FLVCR2: variants seen among roughly 807,000 people sequenced by gnomAD.
FLVCR2 encodes the protein FLVCR choline and putative heme transporter 2, also known as choline/ethanolamine transporter FLVCR2.
A neutral mutation model predicts 48.9 loss-of-function variants in FLVCR2; 38 were observed. The ratio of observed to expected loss-of-function variants is 0.78; its 90% CI spans 0.60 to 1.02. The LOEUF (loss-of-function observed/expected upper bound fraction) is 1.02, where lower values mean the gene tolerates loss of function less well. Ranked by LOEUF, FLVCR2 falls within the 50% of genes least tolerant of loss-of-function variation. The pLI, the probability that FLVCR2 is intolerant of heterozygous loss-of-function variation, is 0.00. For missense variants in FLVCR2, 664 were observed against 663.3 expected, an observed-to-expected ratio of 1.00 and a Z score of -0.01; for synonymous variants, 255 against 257.0, an observed-to-expected ratio of 0.99 and a Z score of 0.07.
chr14:75,648,040 T>C lies in FLVCR2; in HGVS notation c.*1568T>C, dbSNP rs915961284. The C allele has an allele frequency of 4.6e-5, 7 of 152,756 alleles. No individual in the cohort carries two copies. Among genetic ancestry groups the C allele is most frequent in the Admixed American group, 4.6e-4 (7 of 15,286 alleles). 9.5% of individuals were successfully genotyped at this position (152,756 alleles called of 1,614,324 possible). ...TACTTTTTGATAAAGAGAAAGATGT[T>C]TACTCATAAACCCTTCAAAAGGTAT... On this transcript the variant is annotated 3_prime_UTR_variant, in exon 10 of 10. Transcript: ENST00000238667.
At chr14:75,609,867 C>T (rs1182105905) in intron 1 of FLVCR2, among the ~76,000 whole-genome samples, 1 of 150,662 alleles carries the variant, frequency 6.6e-6, no homozygotes, top group Non-Finnish European at 1.5e-5. Flanking sequence ...TTTTATCTGT[C>T]AAAGGTCAGG....
intron 4 of FLVCR2, among the ~76,000 whole-genome samples, chr14:75,634,058 C>T (rs779605280): frequency 6.6e-5 from 10 of 151,810 alleles, no homozygotes; most frequent in Admixed American, 6.6e-4. Context: ...ATTTATTATA[C>T]AGCATAGTGC....
At position 75,646,432 on chromosome 14, in the gene FLVCR2, C is replaced by G. The variant is rs747682049; in HGVS notation, c.1541C>G (p.Thr514Ser). The change falls in exon 10 of 10, where the codon ACC (threonine) becomes AGC (serine). Residue 514 changes from threonine (T) to serine (S), a missense_variant. Coordinates refer to ENST00000238667, the MANE Select transcript of FLVCR2 (RefSeq NM_017791.3). ...CAAGAGGAGGAGGAGGAGAGCAACA[C>G]CAGCAAAGTGCCCACTGCTGTGTCA... ...KLQEEEEESN[T>S]SKVPTAVSED... 2 of 1,613,954 alleles carry G rather than the reference C, an allele frequency of 1.2e-6. No homozygotes were observed. The highest frequency in any genetic ancestry group is 3.3e-4 in the Middle Eastern group (2 of 6,052).
At chr14:75,593,188 C>T (rs61249120) in intron 1 of FLVCR2, among the ~76,000 whole-genome samples, 35,564 of 152,078 alleles carry the variant, frequency 0.23, 4,506 homozygotes, top group East Asian at 0.56. Context: ...AACTTCTGCC[C>T]GTTACCCAGT....
intron 1 of FLVCR2, among the ~76,000 whole-genome samples, chr14:75,586,163 G>A (rs1181677693): frequency 3.9e-5 from 6 of 152,300 alleles, no homozygotes; most frequent in Middle Eastern, 3.4e-3. Flanking sequence ...GGCTGAATCC[G>A]AAAAAGGAGT....
chr14:75,615,137 C>T (rs1488822425), intron 1 of FLVCR2, among the ~76,000 whole-genome samples: 1 of 152,064 alleles, frequency 6.6e-6, no homozygotes, highest in Admixed American at 6.6e-5. Flanking sequence ...GTCAATGCAA[C>T]GCCAAGGACC....
intron 9 of FLVCR2, among the ~76,000 whole-genome samples, chr14:75,646,125 C>T (rs1371255695): frequency 2.0e-5 from 3 of 152,004 alleles, no homozygotes; most frequent in African/African-American, 2.4e-5. Flanking sequence ...GAGTGGCACT[C>T]GGAGCTGGAT....
At chr14:75,584,716 T>C (rs57528286) in intron 1 of FLVCR2, among the ~76,000 whole-genome samples, 41,940 of 152,050 alleles carry the variant, frequency 0.28, 5,902 homozygotes, top group East Asian at 0.37. Flanking sequence ...CAGCGTGAGA[T>C]TGGGCTAGAG....
In FLVCR2 at chr14:75,639,423, G is replaced by A. The variant is rs1890251946; in HGVS notation, c.1196G>A (p.Gly399Glu). 4 of 1,613,852 alleles carry A rather than the reference G, an allele frequency of 2.5e-6. No individual in the cohort carries two copies. In the Admixed American group the frequency reaches 5.0e-5, roughly 20 times the overall value. ...GTGTACACGTTTACCTTGAACCTGG[G>A]ACACCTGTGGGTAGTGTTCATCACT... ...MVVYTFTLNL[G>E]HLWVVFITAG... Residue 399 changes from glycine to glutamate, a missense_variant, in exon 6 of 10, where the codon GGA (glycine) becomes GAA (glutamate). Transcript: ENST00000238667.
rs750299200 is a variant in FLVCR2 at position 75,639,372 on chromosome 14, ATATCATG to A, written c.1146_1152del (p.Tyr382Ter). The stretch of plus-strand genomic sequence containing the variant: ...TGTAGAGAGACAACCCTGGTAGTCT[ATATCATG>A]ACACTGGTGGGCATGGTGGTGTACA... On this transcript the variant is annotated frameshift_variant, in exon 6 of 10. Transcript: ENST00000238667. LOFTEE classifies it high-confidence loss of function. The A allele has an allele frequency of 6.2e-7, 1 of 1,613,576 alleles. No homozygotes were observed.
At chr14:75,597,428 A>G (rs951183083) in intron 1 of FLVCR2, among the ~76,000 whole-genome samples, 8 of 152,160 alleles carry the variant, frequency 5.3e-5, no homozygotes, top group African/African-American at 1.9e-4. Context: ...GAGGCTAGTA[A>G]CTCAACTTGG....
At position 75,579,079 on chromosome 14, in the gene FLVCR2, A is replaced by G. The variant is rs762762330; in HGVS notation, c.107A>G (p.His36Arg). The change falls in exon 1 of 10, where the codon CAT becomes CGT. Residue 36 changes from histidine (H) to arginine (R), a missense_variant. Transcript: ENST00000238667. ...TCGGTCCATCCCAGCGTCTCGGTCC[A>G]TCCCAGCGTCTCCATCAACCCCAGC... ...SVSVHPSVSV[H>R]PSVSINPSVS... 8.7e-6 allele frequency: 14 copies of G among 1,614,078 alleles called. 1 individual carries two copies. The South Asian group carries it at 1.5e-4, about 18-fold the overall frequency.
intron 3 of FLVCR2, among the ~76,000 whole-genome samples, chr14:75,625,785 T>C (rs147348076): frequency 1.1e-3 from 174 of 152,132 alleles, no homozygotes; most frequent in Middle Eastern, 3.4e-3. Flanking sequence ...ACAATAGTGC[T>C]TACTATGTGT....
chr14:75,587,322 G>A (rs754799762), intron 1 of FLVCR2, among the ~76,000 whole-genome samples: 3 of 151,720 alleles, frequency 2.0e-5, no homozygotes, highest in Non-Finnish European at 4.4e-5. Flanking sequence ...AAGCATACAT[G>A]TAAAAAAAAA....
intron 1 of FLVCR2, among the ~76,000 whole-genome samples, chr14:75,594,587 G>A (rs1388191377): frequency 6.6e-6 from 1 of 152,204 alleles, no homozygotes; most frequent in Non-Finnish European, 1.5e-5. Context: ...ATCTGGTGAG[G>A]GCCTTCTTGC....
intron 1 of FLVCR2, among the ~76,000 whole-genome samples, chr14:75,586,041 G>A (rs1289408422): frequency 1.3e-5 from 2 of 152,192 alleles, no homozygotes; most frequent in Non-Finnish European, 2.9e-5. Context: ...TCCTAAAGAA[G>A]TCCCTCTGAC....
At chr14:75,645,378 C>T (rs980913245) in intron 9 of FLVCR2, among the ~76,000 whole-genome samples, 1 of 152,104 alleles carries the variant, frequency 6.6e-6, no homozygotes, top group African/African-American at 2.4e-5. Flanking sequence ...TCAGAAGAAC[C>T]CTTGAGGTCA....
intron 4 of FLVCR2, among the ~76,000 whole-genome samples, chr14:75,634,604 G>A (rs1890121032): frequency 6.6e-6 from 1 of 152,146 alleles, no homozygotes; most frequent in Non-Finnish European, 1.5e-5. Flanking sequence ...TGACAGATAA[G>A]ATAGAAGAGT....
At chr14:75,616,283 C>G (rs942812461) in intron 1 of FLVCR2, among the ~76,000 whole-genome samples, 1 of 149,174 alleles carries the variant, frequency 6.7e-6, no homozygotes, top group African/African-American at 2.5e-5. Context: ...GCCAAGATTG[C>G]GCCACTGCAC....
Sources: allele counts gnomAD v4.1 joint callset (sites outside exome capture counted in the v4.1 genomes callset), GRCh38; gene constraint gnomAD v4.1.1; transcripts MANE v1.5; gene names NCBI Gene and HGNC (gene_info 2026-07-23, HGNC 2026-07-21).